The following TRMT44 variants were observed in gnomAD, a reference collection of about 807,000 sequenced individuals.
TRMT44 encodes probable tRNA (uracil-O(2)-)-methyltransferase.
Under a neutral mutation model 77.3 loss-of-function variants are expected in TRMT44, and 78 were observed. The ratio of observed to expected loss-of-function variants is 1.01; its 90% CI spans 0.84 to 1.22. The LOEUF (loss-of-function observed/expected upper bound fraction) is 1.22, where lower values mean the gene tolerates loss of function less well. Among genes scored for constraint, TRMT44 ranks in the 50% most tolerant of loss-of-function variants. The pLI is 0.00. For missense variants in TRMT44, 1,090 were observed against 964.4 expected, an observed-to-expected ratio of 1.13 and a Z score of -1.73; for synonymous variants, 391 against 383.3, an observed-to-expected ratio of 1.02 and a Z score of -0.23.
chr4:8,456,566 G>A (rs919641243), intron 6 of TRMT44, among the ~76,000 whole-genome samples: 1 of 151,752 alleles, frequency 6.6e-6, no homozygotes, highest in South Asian at 2.1e-4. Flanking sequence ...AAGCAAGAGA[G>A]GGAAAGAAAT....
chr4:8,474,720 T>C (rs1727256953), intron 10 of TRMT44, among the ~76,000 whole-genome samples: 1 of 152,214 alleles, frequency 6.6e-6, no homozygotes, highest in African/African-American at 2.4e-5. Context: ...GTTTCCTAGC[T>C]TCCAGCGAGA....
rs368485119 is a variant in TRMT44 at position 8,468,177 on chromosome 4, A to C, written c.1758A>C (p.Leu586=). ...GAGPQAEGPW[L]PGFHPREKAE... ...GGCCCCAGGCTGAAGGACCCTGGCT[A>C]CCTGGATTTCATCCCAGAGAAAAGG... Residue 586 remains leucine (L), a synonymous_variant, in exon 9 of 11, where the codon CTA becomes CTC. Transcript: ENST00000389737. The C allele has an allele frequency of 1.2e-6, 2 of 1,614,168 alleles. No individual in the cohort carries two copies.
chr4:8,476,664 C>T (rs1353132493), downstream of TRMT44: 1 of 152,388 alleles, frequency 6.6e-6, no homozygotes, highest in Non-Finnish European at 1.5e-5. Context: ...ACCTTCCTCC[C>T]TCCTCCATGA....
Position 8,471,204 on chromosome 4 carries a change from C to A in TRMT44, c.2044+4C>A. ...AACAGCCACCAGGTGTTCCAAGGTA[C>A]GGAGTCCGCCTCTCCCCCGCCGTTC... On this transcript the variant is annotated splice_donor_region_variant and intron_variant, in intron 10 of 10. Transcript: ENST00000389737. 1 of 1,544,384 alleles carries A rather than the reference C, an allele frequency of 6.5e-7. No homozygotes were observed. Among genetic ancestry groups the A allele is most frequent in the South Asian group, 1.2e-5 (1 of 83,414 alleles).
At chr4:8,456,271 C>A (rs977968810) in intron 6 of TRMT44, among the ~76,000 whole-genome samples, 1 of 152,204 alleles carries the variant, frequency 6.6e-6, no homozygotes, top group Non-Finnish European at 1.5e-5. Context: ...CTCTGTGGCA[C>A]CAGCTCATTC....
chr4:8,460,065 A>G (rs1465848830), intron 6 of TRMT44, among the ~76,000 whole-genome samples: 1 of 152,202 alleles, frequency 6.6e-6, no homozygotes, highest in Non-Finnish European at 1.5e-5. Context: ...GTGGGGTTAA[A>G]GTGCACTCAG....
intron 2 of TRMT44, among the ~76,000 whole-genome samples, chr4:8,492,918 C>A (rs368310243): frequency 1.3e-5 from 2 of 152,170 alleles, no homozygotes; most frequent in African/African-American, 4.8e-5. Flanking sequence ...ATGTATAAAA[C>A]CAAGCTGTGC....
rs995185905 is a variant in TRMT44 at position 8,457,028 on chromosome 4, C to G, written c.1203+2215C>G. ...ATAGCAAGACACCCGCCCCCCCCCC[C>G]CAACTATCTCTACAAAAAATAAAAC... On this transcript the variant is annotated intron_variant, in intron 6 of 10. Transcript: ENST00000389737. Among the ~76,000 whole-genome samples the G allele has an allele frequency of 1.8e-4, 16 of 90,068 alleles. No individual in the cohort carries two copies. In the South Asian group the frequency reaches 2.1e-3, roughly 12 times the overall value. 59.1% of individuals were successfully genotyped at this position (90,068 alleles called of 152,430 possible). A position where few individuals can be genotyped will look rare whatever the true frequency, so the allele number is the denominator to read the frequency against.
Position 8,451,899 on chromosome 4 carries a change from G to C in TRMT44, c.955-61G>C. ...TTTATGCTTTATAGGGATACTTAAA[G>C]TATTGGGAAATGGTGGTGGGGAAAC... On this transcript the variant is annotated intron_variant, in intron 3 of 10. Transcript: ENST00000389737. The surrounding 1 kb of genome is among the most constrained non-coding windows in gnomAD (Gnocchi z 4.1). 1 of 1,417,700 alleles carries C rather than the reference G, an allele frequency of 7.1e-7. No individual in the cohort carries two copies. The highest frequency in any genetic ancestry group is 1.2e-5 in the South Asian group (1 of 81,458). 87.8% of individuals were successfully genotyped at this position (1,417,700 alleles called of 1,614,324 possible).
In TRMT44 at chr4:8,475,999, T is replaced by C. The variant is rs1176556107; in HGVS notation, c.2272T>C (p.Ter758ArgextTer52). Residue 758 changes from the stop codon to arginine, a stop_lost, in exon 11 of 11, where the codon TGA becomes CGA. Transcript: ENST00000389737. ...GACCACCCCGAGGAAGAAGATTTCATGAGCTGCATCCTTGCCAGCCGAGGC... is the reference window on the plus strand; with the variant it reads ...GACCACCCCGAGGAAGAAGATTTCACGAGCTGCATCCTTGCCAGCCGAGGC... ...PRTTPRKKIS[*>R] is the part of the protein sequence containing the mutation. 8 of 1,613,476 alleles carry C rather than the reference T, an allele frequency of 5.0e-6. No individual in the cohort carries two copies. Among genetic ancestry groups the C allele is most frequent in the African/African-American group, 1.3e-5 (1 of 74,938 alleles).
chr4:8,459,848 C>A (rs1230849445), intron 6 of TRMT44, among the ~76,000 whole-genome samples: 3 of 152,212 alleles, frequency 2.0e-5, no homozygotes, highest in Non-Finnish European at 1.5e-5. Flanking sequence ...GGCAGACACA[C>A]AGCCAGTGTG....
the TRMT44 span, among the ~76,000 whole-genome samples, chr4:8,516,265 C>T: frequency 1.3e-5 from 2 of 152,134 alleles, no homozygotes; most frequent in Non-Finnish European, 1.5e-5. Context: ...GCTCTGCAGA[C>T]GACAGCCTGA....
At chr4:8,450,216 G>A (rs966876302) in intron 3 of TRMT44, among the ~76,000 whole-genome samples, 27 of 151,976 alleles carry the variant, frequency 1.8e-4, no homozygotes, top group Non-Finnish European at 3.5e-4. Context: ...GATTACAGGT[G>A]TGAGCCACCG....
At chr4:8,465,614 A>C in intron 8 of TRMT44, 53 bp downstream of exon 8, 1 of 1,488,654 alleles carries the variant, frequency 6.7e-7, no homozygotes, top group Non-Finnish European at 9.2e-7. Flanking sequence ...TCAGATGGAG[A>C]GCTCAGGGCT....
Position 8,476,193 on chromosome 4 carries a change from G to GC in TRMT44, c.*197dup. 1.6e-6 allele frequency: 1 copy of GC among 612,346 alleles called. No homozygotes were observed. The highest frequency in any genetic ancestry group is 3.0e-5 in the Admixed American group (1 of 33,086). The allele number at this position is 612,346 out of a possible 1,614,324, so 37.9% of individuals were successfully genotyped here. A position where few individuals can be genotyped will look rare whatever the true frequency, so the allele number is the denominator to read the frequency against. Reference sequence around the variant, plus strand: ...CCAGAGAAGCCACAGTTACTCGGAAGCCCCCAGCTGACTGCCTGGCTTGTT... The same window carrying GC: ...CCAGAGAAGCCACAGTTACTCGGAAGCCCCCCAGCTGACTGCCTGGCTTGTT... On this transcript the variant is annotated 3_prime_UTR_variant, in exon 11 of 11. Coordinates refer to ENST00000389737, the MANE Select transcript of TRMT44 (RefSeq NM_152544.3).
the TRMT44 span, among the ~76,000 whole-genome samples, chr4:8,501,184 G>A: frequency 6.6e-6 from 1 of 152,228 alleles, no homozygotes; most frequent in South Asian, 2.1e-4. The surrounding 1 kb of genome is among the most constrained non-coding windows in gnomAD (Gnocchi z 4.4). Flanking sequence ...GGGATAGAGT[G>A]ACAGCAGAGG....
At position 8,446,659 on chromosome 4, in the gene TRMT44, T is replaced by C. The variant is rs1725081798; in HGVS notation, c.734+69T>C. The C allele has an allele frequency of 8.5e-7, 1 of 1,173,392 alleles. No individual in the cohort carries two copies. Among genetic ancestry groups the C allele is most frequent in the Non-Finnish European group, 1.2e-6 (1 of 835,370 alleles). 72.7% of individuals were successfully genotyped at this position (1,173,392 alleles called of 1,614,324 possible). ...AGGATTTCTTTAGGTAGCCAAAGGA[T>C]TCTGGGTTGCCAGGGCTTAAGGTCC... On this transcript the variant is annotated intron_variant, in intron 2 of 10. Coordinates refer to ENST00000389737, the MANE Select transcript of TRMT44 (RefSeq NM_152544.3). The surrounding 1 kb of genome is among the most constrained non-coding windows in gnomAD (Gnocchi z 4.3).
At chr4:8,474,050 C>G (rs1727203428) in intron 10 of TRMT44, among the ~76,000 whole-genome samples, 1 of 152,224 alleles carries the variant, frequency 6.6e-6, no homozygotes, top group Non-Finnish European at 1.5e-5. Context: ...GGAGGGCCTG[C>G]CGCCAGCTGG....
chr4:8,474,741 A>T (rs1371436178), intron 10 of TRMT44, among the ~76,000 whole-genome samples: 1 of 152,054 alleles, frequency 6.6e-6, no homozygotes, highest in Admixed American at 6.5e-5. Flanking sequence ...ACCAGGAAGG[A>T]GGTGGTTGCT....
Sources: allele counts gnomAD v4.1 joint callset (sites outside exome capture counted in the v4.1 genomes callset), GRCh38; gene constraint gnomAD v4.1.1; non-coding constraint Gnocchi (gnomAD v3.1); transcripts MANE v1.5; gene names NCBI Gene and HGNC (gene_info 2026-07-23, HGNC 2026-07-21).